NBEA: variants seen among roughly 807,000 people sequenced by gnomAD.
NBEA encodes neurobeachin.
In NBEA, 44 loss-of-function variants were observed where a neutral mutation model predicts 343.4. The ratio of observed to expected loss-of-function variants is 0.13; its 90% CI spans 0.10 to 0.16. The LOEUF is 0.16. Ranked by LOEUF, NBEA falls within the 10% of genes least tolerant of loss-of-function variation. The probability of loss-of-function intolerance (pLI) is 1.00; values close to 1 mark genes in which losing one functional copy is unlikely to be tolerated. For synonymous variants in NBEA, 1,175 were observed against 1,238.7 expected, an observed-to-expected ratio of 0.95 and a Z score of 1.08; for missense variants, 2,555 against 3,631.3, an observed-to-expected ratio of 0.70 and a Z score of 7.62.
chr13:34,955,294 A>G (rs567994654), intron 1 of NBEA, among the ~76,000 whole-genome samples: 2 of 152,050 alleles, frequency 1.3e-5, no homozygotes, highest in East Asian at 3.9e-4. Context: ...CTAGTGTGCT[A>G]TTGCTAGAGT....
rs143212648 is a variant in NBEA, at chr13:35,667,817, G to A, written c.8661+247G>A. Among the ~76,000 whole-genome samples, 521 of 152,208 alleles carry A rather than the reference G, an allele frequency of 3.4e-3. 3 individuals carry two copies. Among genetic ancestry groups the A allele is most frequent in the Non-Finnish European group, 6.0e-3 (409 of 68,024 alleles). ...TTGTTTGATTAAAGCTTAGAACCTC[G>A]GGAGGGTTTTTAAAGCTCCTTTTAT... On this transcript the variant is annotated intron_variant, in intron 57 of 58. Coordinates refer to ENST00000379939, the MANE Select transcript of NBEA (RefSeq NM_001385012.1).
intron 17 of NBEA, among the ~76,000 whole-genome samples, chr13:35,125,844 A>ATACATACATACATACATT (rs2067102775): frequency 6.6e-6 from 1 of 152,194 alleles, no homozygotes; most frequent in Non-Finnish European, 1.5e-5. Flanking sequence ...ATACATACAT[A>ATACATACATACATACATT]CATACATACA....
At chr13:34,972,663 T>C (rs1438933226) in intron 1 of NBEA, among the ~76,000 whole-genome samples, 1 of 152,202 alleles carries the variant, frequency 6.6e-6, no homozygotes, top group African/African-American at 2.4e-5. Context: ...TCTTGAGTTC[T>C]AATTTGATTG....
chr13:35,019,765 TA>T (rs1593484702), intron 1 of NBEA, among the ~76,000 whole-genome samples: 1 of 152,236 alleles, frequency 6.6e-6, no homozygotes, highest in East Asian at 1.9e-4. Context: ...TTTGTCTTTT[TA>T]ATATAAGTTG....
intron 36 of NBEA, among the ~76,000 whole-genome samples, chr13:35,343,077 C>G (rs891630002): frequency 6.6e-6 from 1 of 151,822 alleles, no homozygotes; most frequent in African/African-American, 2.4e-5. Context: ...ATCCTGGGCA[C>G]TAATCAAAAA....
intron 48 of NBEA, among the ~76,000 whole-genome samples, chr13:35,620,997 G>A (rs959020347): frequency 2.0e-5 from 3 of 152,164 alleles, no homozygotes; most frequent in Admixed American, 2.0e-4. Flanking sequence ...TTTAGTGCCT[G>A]TTGTCAACTT....
chr13:34,955,661 A>G (rs910066916), intron 1 of NBEA, among the ~76,000 whole-genome samples: 1 of 152,242 alleles, frequency 6.6e-6, no homozygotes, highest in Non-Finnish European at 1.5e-5. Flanking sequence ...TATAGACTAC[A>G]GTAAATTAAA....
At chr13:35,569,183 A>G (rs1463706301) in intron 45 of NBEA, among the ~76,000 whole-genome samples, 2 of 152,180 alleles carry the variant, frequency 1.3e-5, no homozygotes, top group African/African-American at 4.8e-5. Context: ...TACATATTGG[A>G]TGAGAATATT....
rs2059062000 is a variant in NBEA, at chr13:34,942,592, G to GCGGTAC, written c.-226_-221dup. The GCGGTAC allele has an allele frequency of 3.7e-6, 1 of 273,574 alleles. No homozygotes were observed. Among genetic ancestry groups the GCGGTAC allele is most frequent in the Non-Finnish European group, 6.8e-6 (1 of 147,622 alleles). 16.9% of individuals were successfully genotyped at this position (273,574 alleles called of 1,614,324 possible). Reference sequence around the variant, plus strand: ...ACAGCCGCTTGCCCGGCAGCGGTTAGCGGTACCGCCACCGCCGAGAATAAG... The same window carrying GCGGTAC: ...ACAGCCGCTTGCCCGGCAGCGGTTAGCGGTACCGGTACCGCCACCGCCGAGAATAAG... On this transcript the variant is annotated 5_prime_UTR_variant, in exon 1 of 59. Coordinates refer to ENST00000379939, the MANE Select transcript of NBEA (RefSeq NM_001385012.1).
intron 38 of NBEA, among the ~76,000 whole-genome samples, chr13:35,395,305 G>A (rs548691919): frequency 6.6e-6 from 1 of 152,048 alleles, no homozygotes; most frequent in South Asian, 2.1e-4. Flanking sequence ...TCCCCCTTTG[G>A]TGCTATTCCT....
chr13:35,165,883 C>T (rs1938232352), intron 24 of NBEA, among the ~76,000 whole-genome samples: 1 of 151,902 alleles, frequency 6.6e-6, no homozygotes, highest in South Asian at 2.1e-4. Context: ...TGGGGTTTCA[C>T]TATGTTGGCC....
intron 41 of NBEA, among the ~76,000 whole-genome samples, chr13:35,488,871 A>C (rs537193679): frequency 6.6e-6 from 1 of 151,980 alleles, no homozygotes; most frequent in South Asian, 2.1e-4. Context: ...TATTAAATAC[A>C]TTGTTGGAAA....
At chr13:35,226,832 C>G (rs2152765893) in intron 33 of NBEA, among the ~76,000 whole-genome samples, 1 of 152,084 alleles carries the variant, frequency 6.6e-6, no homozygotes, top group East Asian at 1.9e-4. Context: ...AATTCCTGGG[C>G]TCAAGTGATT....
At chr13:35,643,022 C>T (rs1244295863) in intron 49 of NBEA, among the ~76,000 whole-genome samples, 1 of 150,898 alleles carries the variant, frequency 6.6e-6, no homozygotes, top group African/African-American at 2.4e-5. Context: ...GAAATAGATA[C>T]ATGTAGAATT....
At chr13:35,123,041 C>T (rs1202568939) in intron 16 of NBEA, among the ~76,000 whole-genome samples, 2 of 152,118 alleles carry the variant, frequency 1.3e-5, no homozygotes, top group African/African-American at 4.8e-5. Context: ...CCTGTAATTC[C>T]AGCACTTTGG....
intron 1 of NBEA, among the ~76,000 whole-genome samples, chr13:34,979,004 G>A (rs997929365): frequency 3.3e-5 from 5 of 152,178 alleles, no homozygotes; most frequent in African/African-American, 1.2e-4. Context: ...CAGGTAGAGA[G>A]ATGGCATATG....
At chr13:35,161,072 A>G (rs1016657041) in intron 22 of NBEA, among the ~76,000 whole-genome samples, 6 of 152,062 alleles carry the variant, frequency 3.9e-5, no homozygotes, top group Non-Finnish European at 1.5e-5. Context: ...CTAACTGCCA[A>G]TTTCCATTTT....
chr13:35,444,013 G>GA (rs2045869478), intron 39 of NBEA, among the ~76,000 whole-genome samples: 1 of 151,902 alleles, frequency 6.6e-6, no homozygotes, highest in African/African-American at 2.4e-5. Context: ...GATTTACAAA[G>GA]AAAAATATTT....
intron 38 of NBEA, among the ~76,000 whole-genome samples, chr13:35,400,850 CT>C (rs960536341): frequency 1.6e-4 from 23 of 146,348 alleles, no homozygotes; most frequent in Admixed American, 2.1e-4. Flanking sequence ...ACTGATAAAC[CT>C]TTTTTTTTTA....
Sources: allele counts gnomAD v4.1 joint callset (sites outside exome capture counted in the v4.1 genomes callset), GRCh38; gene constraint gnomAD v4.1.1; transcripts MANE v1.5; gene names NCBI Gene and HGNC (gene_info 2026-07-23, HGNC 2026-07-21).